GRM3: variants seen among roughly 807,000 people sequenced by gnomAD.
GRM3 encodes glutamate metabotropic receptor 3.
A neutral mutation model predicts 70.5 loss-of-function variants in GRM3; 26 were observed. That is an observed-to-expected ratio of 0.37 (90% CI 0.27 to 0.51). The LOEUF is 0.51. Among genes scored for constraint, GRM3 ranks in the 20% least tolerant of loss-of-function variants. The probability of loss-of-function intolerance (pLI) is 0.93; values close to 1 mark genes in which losing one functional copy is unlikely to be tolerated. For synonymous variants in GRM3, 443 were observed against 434.9 expected, an observed-to-expected ratio of 1.02 and a Z score of -0.23; for missense variants, 859 against 1,123.8, an observed-to-expected ratio of 0.76 and a Z score of 3.37.
At position 86,839,732 on chromosome 7, in the gene GRM3, T is replaced by C; in HGVS notation, c.2218T>C (p.Ser740Pro). 6 of 1,614,132 alleles carry C rather than the reference T, an allele frequency of 3.7e-6. No individual in the cohort carries two copies. Among genetic ancestry groups the C allele is most frequent in the Non-Finnish European group, 4.2e-6 (5 of 1,179,996 alleles). Residue 740 changes from serine (S) to proline (P), a missense_variant, in exon 4 of 6, where the codon TCT (serine) becomes CCT (proline). Physicochemically the swap from Ser to Pro is moderately conservative, Grantham distance 74. Coordinates refer to ENST00000361669, the MANE Select transcript of GRM3 (RefSeq NM_000840.3). The surrounding 1 kb of genome is among the most constrained non-coding windows in gnomAD (Gnocchi z 4.5). The stretch of plus-strand genomic sequence containing the variant: ...TGTCAAAGATTCCAGCATGTTGATC[T>C]CTCTTACCTACGATGTGATCCTGGT... ...CNVKDSSMLI[S>P]LTYDVILVIL...
intron 5 of GRM3, among the ~76,000 whole-genome samples, chr7:86,859,664 A>G (rs1798918119): frequency 6.6e-6 from 1 of 152,210 alleles, no homozygotes; most frequent in African/African-American, 2.4e-5. Context: ...GACTGATGCA[A>G]AGTAACACTG....
intron 3 of GRM3, among the ~76,000 whole-genome samples, chr7:86,798,703 G>A (rs1236059395): frequency 6.6e-6 from 1 of 152,198 alleles, no homozygotes; most frequent in South Asian, 2.1e-4. Context: ...GTTTTGAAAT[G>A]TAAGGCCATG....
At chr7:86,656,936 G>C (rs1793761645) in intron 1 of GRM3, among the ~76,000 whole-genome samples, 1 of 152,074 alleles carries the variant, frequency 6.6e-6, no homozygotes, top group African/African-American at 2.4e-5. Context: ...GTCGTTTTTA[G>C]CAGAGTCTAT....
chr7:86,837,763 A>G (rs1798486319), intron 3 of GRM3, among the ~76,000 whole-genome samples: 1 of 152,196 alleles, frequency 6.6e-6, no homozygotes. Context: ...AGACTGCTAC[A>G]TGAGGGAGAA....
intron 3 of GRM3, 81 bp downstream of exon 3, chr7:86,787,197 C>G: frequency 1.8e-6 from 2 of 1,133,388 alleles, no homozygotes; most frequent in African/African-American, 1.5e-5. Context: ...GTGCCCAATT[C>G]AGAAATAATT....
At chr7:86,675,350 G>C (rs564993419) in intron 1 of GRM3, among the ~76,000 whole-genome samples, 1 of 152,168 alleles carries the variant, frequency 6.6e-6, no homozygotes, top group East Asian at 1.9e-4. Flanking sequence ...AAGTCTTTAA[G>C]GAAAACACCA....
intron 1 of GRM3, among the ~76,000 whole-genome samples, chr7:86,646,012 GGGGTGGGA>G (rs1562811297): frequency 1.3e-5 from 1 of 76,926 alleles, no homozygotes. Flanking sequence ...GGGGTGGGGG[GGGGTGGGA>G]GGGAGTTTAG....
At chr7:86,692,443 A>C (rs1159231506) in intron 1 of GRM3, among the ~76,000 whole-genome samples, 1 of 152,188 alleles carries the variant, frequency 6.6e-6, no homozygotes, top group East Asian at 1.9e-4. Flanking sequence ...CAGACCTGTT[A>C]GTCTTTTCTC....
Position 86,850,377 on chromosome 7 carries a change from C to T in GRM3, c.2399C>T (p.Thr800Met), listed in dbSNP as rs376384427. 93 of 1,611,850 alleles carry T rather than the reference C, an allele frequency of 5.8e-5. No homozygotes were observed. Among genetic ancestry groups the T allele is most frequent in the South Asian group, 8.8e-5 (8 of 90,990 alleles). The change falls in exon 5 of 6, where the codon ACG (threonine) becomes ATG (methionine). Residue 800 changes from threonine (T) to methionine (M), a missense_variant. Thr to Met is a moderately conservative substitution (Grantham distance 81). Coordinates refer to ENST00000361669, the MANE Select transcript of GRM3 (RefSeq NM_000840.3). ...YVTSSDYRVQTTTMCISVSLS... is the reference protein window; with the variant it reads ...YVTSSDYRVQMTTMCISVSLS... ...GCCAACCTTCTCTTGTAGGTGCAGACGACAACCATGTGCATCTCTGTCAGC... is the reference window on the plus strand; with the variant it reads ...GCCAACCTTCTCTTGTAGGTGCAGATGACAACCATGTGCATCTCTGTCAGC...
At chr7:86,645,282 T>G (rs570802480) in intron 1 of GRM3, among the ~76,000 whole-genome samples, 19 of 152,182 alleles carry the variant, frequency 1.2e-4, no homozygotes, top group African/African-American at 4.6e-4. Flanking sequence ...GGCGGTTTCA[T>G]GTGGGTGTGG....
At chr7:86,661,456 T>C (rs929775995) in intron 1 of GRM3, among the ~76,000 whole-genome samples, 1 of 151,940 alleles carries the variant, frequency 6.6e-6, no homozygotes, top group Non-Finnish European at 1.5e-5. Flanking sequence ...AGCTAATAGT[T>C]CTGTTGTACA....
At chr7:86,723,878 G>A (rs1006305498) in intron 1 of GRM3, among the ~76,000 whole-genome samples, 1 of 152,128 alleles carries the variant, frequency 6.6e-6, no homozygotes, top group South Asian at 2.1e-4. Context: ...AACCCTCCTG[G>A]CTGAAGCACA....
chr7:86,663,613 CT>C (rs942169849), intron 1 of GRM3, among the ~76,000 whole-genome samples: 8 of 151,974 alleles, frequency 5.3e-5, no homozygotes, highest in East Asian at 1.9e-4. Context: ...TGAATTATGT[CT>C]TTTTTTTGTT....
At chr7:86,706,189 A>C in intron 1 of GRM3, among the ~76,000 whole-genome samples, 1 of 152,174 alleles carries the variant, frequency 6.6e-6, no homozygotes, top group East Asian at 1.9e-4. Context: ...TAGTTTGGAA[A>C]ATTCCTTTAG....
chr7:86,779,340 G>T (rs948077606), intron 2 of GRM3, among the ~76,000 whole-genome samples: 22 of 152,232 alleles, frequency 1.4e-4, no homozygotes, highest in Non-Finnish European at 3.1e-4. Flanking sequence ...CAATAAAATT[G>T]TTTATCAGTC....
intron 3 of GRM3, among the ~76,000 whole-genome samples, chr7:86,822,308 TAAG>T (rs1404806060): frequency 1.3e-5 from 2 of 152,014 alleles, no homozygotes; most frequent in African/African-American, 4.8e-5. Flanking sequence ...AATATAGTGA[TAAG>T]AAGATAGTAA....
chr7:86,782,344 A>C (rs1407727631), intron 2 of GRM3, among the ~76,000 whole-genome samples: 1 of 144,970 alleles, frequency 6.9e-6, no homozygotes. Flanking sequence ...TTTTTTTTGT[A>C]TTCTCTCCTA....
intron 1 of GRM3, among the ~76,000 whole-genome samples, chr7:86,742,733 A>G (rs1166103841): frequency 6.6e-6 from 1 of 152,148 alleles, no homozygotes; most frequent in South Asian, 2.1e-4. Context: ...TCATATCCCA[A>G]TAAGAAGTAT....
At chr7:86,813,884 G>C (rs1429225912) in intron 3 of GRM3, among the ~76,000 whole-genome samples, 1 of 151,706 alleles carries the variant, frequency 6.6e-6, no homozygotes, top group Non-Finnish European at 1.5e-5. Flanking sequence ...AGAACCTAAA[G>C]GATGCATGCA....
Sources: allele counts gnomAD v4.1 joint callset (sites outside exome capture counted in the v4.1 genomes callset), GRCh38; gene constraint gnomAD v4.1.1; non-coding constraint Gnocchi (gnomAD v3.1); transcripts MANE v1.5; gene names NCBI Gene and HGNC (gene_info 2026-07-23, HGNC 2026-07-21).